ALKAL1: variants seen among roughly 807,000 people sequenced by gnomAD.
ALKAL1 encodes AUG-beta.
ALKAL1 carries 23 observed loss-of-function variants against 13.5 expected under a neutral mutation model. The ratio of observed to expected loss-of-function variants is 1.70; its 90% CI spans 1.23 to 2.41. The LOEUF is 2.41. Ranked by LOEUF, ALKAL1 falls within the 30% of genes most tolerant of loss-of-function variation. The pLI, the probability that ALKAL1 is intolerant of heterozygous loss-of-function variation, is 0.00. For synonymous variants in ALKAL1, 85 were observed against 77.7 expected (o/e 1.09, Z -0.49); for missense variants, 181 against 178.4 (o/e 1.01, Z -0.08).
At chr8:52,535,501 T>C (rs968397518) in intron 4 of ALKAL1, among the ~76,000 whole-genome samples, 4 of 126,314 alleles carry the variant, frequency 3.2e-5, no homozygotes, top group Admixed American at 2.1e-4. Context: ...CACCGAGCTA[T>C]GATCAAGCCA....
intron 1 of ALKAL1, among the ~76,000 whole-genome samples, chr8:52,543,693 A>C (rs1207146871): frequency 6.6e-6 from 1 of 152,216 alleles, no homozygotes; most frequent in Non-Finnish European, 1.5e-5. Flanking sequence ...CAGCCCGAAC[A>C]TAGGTCTTTT....
At chr8:52,542,535 C>G in intron 1 of ALKAL1, 90 bp from the exon 2 acceptor site, 1 of 777,264 alleles carries the variant, frequency 1.3e-6, no homozygotes, top group Non-Finnish European at 2.1e-6. Context: ...TAATAAGGCA[C>G]TAAACACATG....
chr8:52,544,878 A>T (rs181418819), intron 1 of ALKAL1, among the ~76,000 whole-genome samples: 1 of 152,300 alleles, frequency 6.6e-6, no homozygotes, highest in Non-Finnish European at 1.5e-5. Flanking sequence ...CAATAAAAAT[A>T]AACAAAATTA....
At chr8:52,539,083 C>T (rs930663447) in intron 3 of ALKAL1, among the ~76,000 whole-genome samples, 3 of 152,036 alleles carry the variant, frequency 2.0e-5, no homozygotes, top group African/African-American at 7.2e-5. Flanking sequence ...TGAGCCAACA[C>T]TCCTGGCCTT....
At chr8:52,541,744 G>A (rs140884330) in intron 2 of ALKAL1, among the ~76,000 whole-genome samples, 169 of 152,164 alleles carry the variant, frequency 1.1e-3, no homozygotes, top group African/African-American at 3.7e-3. Flanking sequence ...CAACAAGAGC[G>A]AAACTCTGTC....
chr8:52,538,426 C>T lies in ALKAL1; in HGVS notation c.*12+5G>A. On this transcript the variant is annotated splice_donor_5th_base_variant and intron_variant, in intron 4 of 4. Coordinates refer to ENST00000358543, the MANE Select transcript of ALKAL1 (RefSeq NM_207413.4). ...ACAGGATAAGAAAAATAAATATATA[C>T]TCACAGGGTAGTTTTGCTAGGTCTG... is the stretch of plus-strand genomic sequence containing the variant. 1 of 1,524,550 alleles carries T rather than the reference C, an allele frequency of 6.6e-7. No homozygotes were observed. The highest frequency in any genetic ancestry group is 9.1e-7 in the Non-Finnish European group (1 of 1,103,716). The allele number at this position is 1,524,550 out of a possible 1,614,324, so 94.4% of individuals were successfully genotyped here. A position where few individuals can be genotyped will look rare whatever the true frequency, so the allele number is the denominator to read the frequency against.
intron 1 of ALKAL1, among the ~76,000 whole-genome samples, chr8:52,547,270 G>A (rs1412833139): frequency 6.6e-6 from 1 of 152,142 alleles, no homozygotes; most frequent in Non-Finnish European, 1.5e-5. Context: ...GGCTGAGGCA[G>A]GTGGATCACC....
Position 52,565,382 on chromosome 8 carries a change from C to A in ALKAL1, c.-126G>T. ...GCTACGCGGCCGGCCGCAGTCTTCA[C>A]CGCGCGCCTGCCCTTGTCTACGTCC... On this transcript the variant is annotated 5_prime_UTR_variant, in exon 1 of 5. Coordinates refer to ENST00000358543, the MANE Select transcript of ALKAL1 (RefSeq NM_207413.4). The A allele has an allele frequency of 1.4e-6, 1 of 697,364 alleles. No individual in the cohort carries two copies. The highest frequency in any genetic ancestry group is 2.0e-6 in the Non-Finnish European group (1 of 489,708). 43.2% of individuals were successfully genotyped at this position (697,364 alleles called of 1,614,324 possible).
chr8:52,565,359 T>A lies in ALKAL1; in HGVS notation c.-103A>T, dbSNP rs926908567. ...AAGGCCAGCGGGACCACAGCGCGGC[T>A]ACGCGGCCGGCCGCAGTCTTCACCG... On this transcript the variant is annotated 5_prime_UTR_variant, in exon 1 of 5. Transcript: ENST00000358543. 8.2e-6 allele frequency: 8 copies of A among 979,538 alleles called. No homozygotes were observed. The highest frequency in any genetic ancestry group is 3.6e-4 in the Middle Eastern group (1 of 2,778). 60.7% of individuals were successfully genotyped at this position (979,538 alleles called of 1,614,324 possible).
chr8:52,551,042 T>G (rs1847423047), intron 1 of ALKAL1, among the ~76,000 whole-genome samples: 1 of 152,218 alleles, frequency 6.6e-6, no homozygotes, highest in South Asian at 2.1e-4. Flanking sequence ...ATTATAAAAG[T>G]TAATTATTTT....
intron 1 of ALKAL1, among the ~76,000 whole-genome samples, chr8:52,547,969 A>G (rs2150345546): frequency 6.6e-6 from 1 of 152,364 alleles, no homozygotes; most frequent in African/African-American, 2.4e-5. Context: ...TTGCACATTC[A>G]GCACATCTCA....
intron 1 of ALKAL1, among the ~76,000 whole-genome samples, chr8:52,554,697 T>G (rs2150346947): frequency 6.6e-6 from 1 of 152,294 alleles, no homozygotes; most frequent in South Asian, 2.1e-4. Context: ...AAAAATCCAT[T>G]GATAAGCATG....
intron 1 of ALKAL1, among the ~76,000 whole-genome samples, chr8:52,556,633 C>A (rs191529212): frequency 1.9e-5 from 2 of 103,624 alleles, no homozygotes; most frequent in Non-Finnish European, 3.5e-5. Context: ...GGCGACAGAG[C>A]GAAACTCTGT....
At chr8:52,538,018 C>T (rs1447792864) in intron 4 of ALKAL1, among the ~76,000 whole-genome samples, 1 of 151,602 alleles carries the variant, frequency 6.6e-6, no homozygotes, top group Non-Finnish European at 1.5e-5. Flanking sequence ...ATCGCTTGAA[C>T]CTGGAAGGCG....
In ALKAL1 at chr8:52,534,537, T is replaced by G. The variant is rs1365151026; in HGVS notation, c.*76A>C. 1.5e-5 allele frequency: 9 copies of G among 591,562 alleles called. No individual in the cohort carries two copies. The highest frequency in any genetic ancestry group is 2.7e-5 in the Non-Finnish European group (9 of 337,448). 36.6% of individuals were successfully genotyped at this position (591,562 alleles called of 1,614,324 possible). The stretch of plus-strand genomic sequence containing the variant: ...CCATAAAAATATAAATTTCATCTTT[T>G]TTTACATTTTGCATGATTTGAGGCA... On this transcript the variant is annotated 3_prime_UTR_variant, in exon 5 of 5. Coordinates refer to ENST00000358543, the MANE Select transcript of ALKAL1 (RefSeq NM_207413.4).
intron 1 of ALKAL1, among the ~76,000 whole-genome samples, chr8:52,547,555 A>G (rs905280105): frequency 7.9e-5 from 12 of 152,200 alleles, no homozygotes; most frequent in Non-Finnish European, 1.6e-4. Context: ...CTCCCCGCAA[A>G]CAATGAAACT....
At chr8:52,559,725 A>T (rs151252794) in intron 1 of ALKAL1, among the ~76,000 whole-genome samples, 20 of 152,336 alleles carry the variant, frequency 1.3e-4, no homozygotes, top group African/African-American at 4.3e-4. Context: ...TAAATACTGT[A>T]TTGTCTAAAT....
intron 1 of ALKAL1, among the ~76,000 whole-genome samples, chr8:52,549,440 T>A (rs1038382521): frequency 6.7e-6 from 1 of 149,492 alleles, no homozygotes; most frequent in East Asian, 1.9e-4. Context: ...ATATTAAATA[T>A]AGTATATATA....
Position 52,539,915 on chromosome 8 carries a change from G to A in ALKAL1, c.245-4C>T. ...TCTGGTGAAAATGTGACCGGCCCTA[G>A]AGCACAGGAAAAGAATGCTTATTAT... On this transcript the variant is annotated splice_region_variant and splice_polypyrimidine_tract_variant and intron_variant, in intron 2 of 4. Transcript: ENST00000358543. 6.2e-7 allele frequency: 1 copy of A among 1,606,958 alleles called. No individual in the cohort carries two copies. Among genetic ancestry groups the A allele is most frequent in the Non-Finnish European group, 8.5e-7 (1 of 1,177,848 alleles).
Sources: allele counts gnomAD v4.1 joint callset (sites outside exome capture counted in the v4.1 genomes callset), GRCh38; gene constraint gnomAD v4.1.1; transcripts MANE v1.5; gene names NCBI Gene and HGNC (gene_info 2026-07-23, HGNC 2026-07-21).